The following HS6ST3 variants were observed in gnomAD, a reference collection of about 807,000 sequenced individuals.
The protein encoded by HS6ST3 is heparan sulfate 6-O-sulfotransferase 3, also known as heparan-sulfate 6-O-sulfotransferase 3.
HS6ST3 carries 12 observed loss-of-function variants against 36.7 expected under a neutral mutation model. The ratio of observed to expected loss-of-function variants is 0.33; its 90% CI spans 0.21 to 0.53. The LOEUF is 0.53. Among genes scored for constraint, HS6ST3 ranks in the 20% least tolerant of loss-of-function variants. HS6ST3 has a pLI of 0.95. For missense variants in HS6ST3, 584 were observed against 640.9 expected, an observed-to-expected ratio of 0.91 and a Z score of 0.96; for synonymous variants, 240 against 257.5, an observed-to-expected ratio of 0.93 and a Z score of 0.65.
chr13:96,783,893 C>T (rs1877581019), intron 1 of HS6ST3, among the ~76,000 whole-genome samples: 1 of 152,084 alleles, frequency 6.6e-6, no homozygotes, highest in African/African-American at 2.4e-5. Context: ...TCTTCAGAAA[C>T]TCTCACGGTG....
chr13:96,174,791 A>G (rs1352840230), intron 1 of HS6ST3, among the ~76,000 whole-genome samples: 1 of 152,204 alleles, frequency 6.6e-6, no homozygotes, highest in Non-Finnish European at 1.5e-5. Context: ...ATATAGTCTT[A>G]CAGAATGGAT....
At chr13:96,474,384 G>A (rs1047036212) in intron 1 of HS6ST3, among the ~76,000 whole-genome samples, 39 of 152,084 alleles carry the variant, frequency 2.6e-4, no homozygotes, top group Admixed American at 2.5e-3. Context: ...GTGTTCAAAC[G>A]GATAGGAAAT....
At chr13:96,200,846 C>G (rs192569639) in intron 1 of HS6ST3, among the ~76,000 whole-genome samples, 1 of 152,198 alleles carries the variant, frequency 6.6e-6, no homozygotes, top group East Asian at 1.9e-4. Context: ...CATGATCCTA[C>G]TTTGCCTCTG....
chr13:96,723,364 G>A (rs376534052), intron 1 of HS6ST3, among the ~76,000 whole-genome samples: 2 of 152,164 alleles, frequency 1.3e-5, no homozygotes, highest in African/African-American at 2.4e-5. Flanking sequence ...CTCGCCCTAC[G>A]CATGATGTAG....
chr13:96,474,554 A>G (rs1324099747), intron 1 of HS6ST3, among the ~76,000 whole-genome samples: 1 of 152,190 alleles, frequency 6.6e-6, no homozygotes, highest in Non-Finnish European at 1.5e-5. Context: ...TCAATATTTT[A>G]GTGAGAATGC....
At chr13:96,594,585 G>T (rs958079482) in intron 1 of HS6ST3, among the ~76,000 whole-genome samples, 1 of 152,070 alleles carries the variant, frequency 6.6e-6, no homozygotes, top group African/African-American at 2.4e-5. Flanking sequence ...ACACACACAC[G>T]TGTACACACA....
intron 1 of HS6ST3, among the ~76,000 whole-genome samples, chr13:96,821,026 T>C (rs1331703611): frequency 6.6e-6 from 1 of 152,266 alleles, no homozygotes; most frequent in African/African-American, 2.4e-5. Flanking sequence ...TTCTAGATTC[T>C]TTAGGTGTGT....
At chr13:96,533,485 A>T (rs2138936305) in intron 1 of HS6ST3, among the ~76,000 whole-genome samples, 4 of 152,324 alleles carry the variant, frequency 2.6e-5, no homozygotes, top group Middle Eastern at 6.8e-3. Context: ...GAAATACAGA[A>T]GTCTATTGAA....
At chr13:96,530,977 AT>A (rs1473615581) in intron 1 of HS6ST3, among the ~76,000 whole-genome samples, 1 of 152,152 alleles carries the variant, frequency 6.6e-6, no homozygotes, top group Non-Finnish European at 1.5e-5. Context: ...TGGTCCATTG[AT>A]CACACTCTGA....
At chr13:96,308,328 C>T (rs1925114) in intron 1 of HS6ST3, among the ~76,000 whole-genome samples, 136,355 of 152,152 alleles carry the variant, frequency 0.9, 61,367 homozygotes, top group African/African-American at 0.97. Context: ...TCATTTCTTC[C>T]TAGTCAAATA....
chr13:96,135,360 G>A (rs760998627), intron 1 of HS6ST3, among the ~76,000 whole-genome samples: 1 of 152,116 alleles, frequency 6.6e-6, no homozygotes, highest in Admixed American at 6.6e-5. Context: ...GTTATGGTAA[G>A]AACACACAGT....
chr13:96,322,656 A>G (rs558134701), intron 1 of HS6ST3, among the ~76,000 whole-genome samples: 17 of 152,200 alleles, frequency 1.1e-4, no homozygotes, highest in Non-Finnish European at 1.8e-4. Flanking sequence ...GCTTAACTCA[A>G]CATCACTCTC....
At chr13:96,396,013 T>G (rs1191756694) in intron 1 of HS6ST3, among the ~76,000 whole-genome samples, 1 of 152,162 alleles carries the variant, frequency 6.6e-6, no homozygotes, top group African/African-American at 2.4e-5. Context: ...CCTACCTCCA[T>G]GTTTAATCAG....
intron 1 of HS6ST3, among the ~76,000 whole-genome samples, chr13:96,649,205 A>G (rs1235897756): frequency 6.6e-6 from 1 of 151,962 alleles, no homozygotes; most frequent in East Asian, 1.9e-4. Flanking sequence ...GATTCAGTTG[A>G]CTCACAGTTC....
chr13:96,338,233 C>T (rs1268601347), intron 1 of HS6ST3, among the ~76,000 whole-genome samples: 1 of 152,118 alleles, frequency 6.6e-6, no homozygotes, highest in Admixed American at 6.5e-5. Context: ...CTACTTGAAA[C>T]TCCACAAATG....
chr13:96,618,401 T>C (rs2056482247), intron 1 of HS6ST3, among the ~76,000 whole-genome samples: 1 of 152,202 alleles, frequency 6.6e-6, no homozygotes, highest in African/African-American at 2.4e-5. Context: ...ATGCCCTGGC[T>C]GGTTCTTTAT....
intron 1 of HS6ST3, among the ~76,000 whole-genome samples, chr13:96,704,644 A>G (rs148266575): frequency 6.6e-6 from 1 of 152,156 alleles, no homozygotes; most frequent in African/African-American, 2.4e-5. Context: ...TCCTCTGAAG[A>G]GTTGATCTCA....
chr13:96,480,575 C>T (rs1359807303), intron 1 of HS6ST3, among the ~76,000 whole-genome samples: 1 of 152,118 alleles, frequency 6.6e-6, no homozygotes, highest in African/African-American at 2.4e-5. Context: ...GGAAGTTATG[C>T]ATGTCCTAGT....
At chr13:96,461,183 T>C (rs1357443983) in intron 1 of HS6ST3, among the ~76,000 whole-genome samples, 1 of 152,214 alleles carries the variant, frequency 6.6e-6, no homozygotes, top group African/African-American at 2.4e-5. Flanking sequence ...TAGAGCTGGA[T>C]TTATCTGTGT....
Sources: gnomAD v4.1 joint callset for allele counts (sites outside exome capture counted in the v4.1 genomes callset) on GRCh38, gnomAD v4.1.1 for gene constraint, MANE v1.5 for transcripts, NCBI Gene and HGNC (gene_info 2026-07-23, HGNC 2026-07-21) for gene names.